ERC2: variants seen among roughly 807,000 people sequenced by gnomAD.
ERC2 encodes the protein ERC protein 2.
A neutral mutation model predicts 114.8 loss-of-function variants in ERC2; 42 were observed. The observed-to-expected ratio is 0.37, with a 90% confidence interval of 0.29 to 0.47. The LOEUF is 0.47. Among genes scored for constraint, ERC2 ranks in the 20% least tolerant of loss-of-function variants. ERC2 has a pLI of 0.99. For synonymous variants in ERC2, 454 were observed against 425.5 expected (o/e 1.07, Z -0.82); for missense variants, 939 against 1,150.7 (o/e 0.82, Z 2.66).
chr3:56,094,004 T>C (rs895154301), intron 6 of ERC2, among the ~76,000 whole-genome samples: 2 of 152,224 alleles, frequency 1.3e-5, no homozygotes, highest in Non-Finnish European at 2.9e-5. Context: ...AGTAGCATAC[T>C]AAAGGTTCTG....
At chr3:55,563,640 G>A (rs1242100431) in intron 17 of ERC2, among the ~76,000 whole-genome samples, 3 of 152,242 alleles carry the variant, frequency 2.0e-5, no homozygotes, top group Non-Finnish European at 4.4e-5. Context: ...AAGGGCCACG[G>A]AACGTGGAGA....
intron 17 of ERC2, among the ~76,000 whole-genome samples, chr3:55,563,701 AT>A: frequency 6.6e-6 from 1 of 152,364 alleles, no homozygotes; most frequent in Non-Finnish European, 1.5e-5. Flanking sequence ...GTAGAAGGGA[AT>A]GAGTCCAACA....
chr3:56,402,734 TC>T (rs778321839), intron 2 of ERC2, among the ~76,000 whole-genome samples: 5 of 152,248 alleles, frequency 3.3e-5, no homozygotes, highest in African/African-American at 4.8e-5. Flanking sequence ...TGAGCATCAT[TC>T]CCTAAATTTT....
intron 4 of ERC2, among the ~76,000 whole-genome samples, chr3:56,171,487 T>C (rs2082662738): frequency 6.6e-6 from 1 of 152,200 alleles, no homozygotes; most frequent in Non-Finnish European, 1.5e-5. Flanking sequence ...TATATTGCTC[T>C]TCATTTGTCC....
chr3:56,003,441 GT>G (rs1007113790), intron 10 of ERC2, among the ~76,000 whole-genome samples: 30 of 152,132 alleles, frequency 2.0e-4, no homozygotes, highest in African/African-American at 4.3e-4. Context: ...GATACATGAA[GT>G]GCTGGCCTCC....
intron 3 of ERC2, among the ~76,000 whole-genome samples, chr3:56,282,318 G>A (rs1435161390): frequency 6.6e-6 from 1 of 152,156 alleles, no homozygotes; most frequent in Non-Finnish European, 1.5e-5. Flanking sequence ...TAAAATAAGA[G>A]AGGGAAACCA....
chr3:56,344,949 T>C (rs528598023), intron 2 of ERC2, among the ~76,000 whole-genome samples: 17 of 152,206 alleles, frequency 1.1e-4, no homozygotes, highest in Non-Finnish European at 2.2e-4. Context: ...CTAATCTACA[T>C]GTTCTTCCTC....
At chr3:56,216,169 T>C (rs577318174) in intron 3 of ERC2, among the ~76,000 whole-genome samples, 238 of 152,066 alleles carry the variant, frequency 1.6e-3, no homozygotes, top group South Asian at 3.1e-3. Context: ...GTGATAGAGA[T>C]ACAAAAAACC....
chr3:56,113,930 A>T (rs1458038890), intron 6 of ERC2, among the ~76,000 whole-genome samples: 1 of 152,136 alleles, frequency 6.6e-6, no homozygotes, highest in Non-Finnish European at 1.5e-5. Flanking sequence ...GAAGAATCAT[A>T]AGGTTCATAT....
intron 4 of ERC2, among the ~76,000 whole-genome samples, chr3:56,154,178 G>A (rs370606364): frequency 4.1e-4 from 63 of 152,210 alleles, no homozygotes; most frequent in African/African-American, 1.2e-3. Context: ...TGGGATGACC[G>A]TGGTTATATG....
chr3:56,051,826 AACACACACACACACACACACAC>A (rs370057271), intron 7 of ERC2, among the ~76,000 whole-genome samples: 30 of 130,118 alleles, frequency 2.3e-4, no homozygotes, highest in East Asian at 7.0e-4. Context: ...CTCCATCTCA[AACACACACACACACACACACAC>A]ACACACACAC....
intron 17 of ERC2, among the ~76,000 whole-genome samples, chr3:55,608,380 C>G (rs554333222): frequency 6.6e-6 from 1 of 152,166 alleles, no homozygotes; most frequent in Non-Finnish European, 1.5e-5. Flanking sequence ...AAAATATCCC[C>G]GTGCATGTGC....
At chr3:56,088,710 A>G (rs1341955036) in intron 6 of ERC2, among the ~76,000 whole-genome samples, 1 of 152,168 alleles carries the variant, frequency 6.6e-6, no homozygotes, top group Non-Finnish European at 1.5e-5. Context: ...AACTCATAAC[A>G]ATGGCCTTTC....
Position 55,602,716 on chromosome 3 carries a change from C to T in ERC2, c.*39+81078G>A, listed in dbSNP as rs1038137870. The stretch of plus-strand genomic sequence containing the variant: ...CCCTTCCCATGCTACCACAACCTAA[C>T]ACAACCTAACACCTAAGCCATCAGA... On this transcript the variant is annotated intron_variant, in intron 17 of 17. Transcript: ENST00000288221. Among the ~76,000 whole-genome samples the T allele has an allele frequency of 7.2e-5, 11 of 152,090 alleles. No homozygotes were observed. The South Asian group carries it at 1.0e-3, about 14-fold the overall frequency.
At chr3:55,636,583 T>C (rs764512322) in intron 17 of ERC2, among the ~76,000 whole-genome samples, 1 of 152,188 alleles carries the variant, frequency 6.6e-6, no homozygotes, top group African/African-American at 2.4e-5. Context: ...CTACCCAAAC[T>C]ATAATACACT....
chr3:55,531,366 G>A (rs903144447), intron 17 of ERC2, among the ~76,000 whole-genome samples: 6 of 152,154 alleles, frequency 3.9e-5, no homozygotes, highest in Admixed American at 3.3e-4. Context: ...TTGTAAAGCA[G>A]TAATTGGGAG....
At chr3:55,559,364 T>G (rs1486783058) in intron 17 of ERC2, among the ~76,000 whole-genome samples, 1 of 152,258 alleles carries the variant, frequency 6.6e-6, no homozygotes, top group East Asian at 1.9e-4. Flanking sequence ...TTAAGGCCCA[T>G]GCCCTCCTAG....
chr3:55,774,649 G>A (rs1470001927), intron 14 of ERC2, among the ~76,000 whole-genome samples: 1 of 152,208 alleles, frequency 6.6e-6, no homozygotes, highest in Non-Finnish European at 1.5e-5. Context: ...CTGTCAGCCT[G>A]GGAGAACCCA....
At chr3:55,583,383 T>TCC (rs2057365129) in intron 17 of ERC2, among the ~76,000 whole-genome samples, 1 of 126,416 alleles carries the variant, frequency 7.9e-6, no homozygotes, top group Non-Finnish European at 1.7e-5. Context: ...TCTTTCCTTC[T>TCC]TTCTTTCCTT....
Sources: allele counts gnomAD v4.1 joint callset (sites outside exome capture counted in the v4.1 genomes callset), GRCh38; gene constraint gnomAD v4.1.1; transcripts MANE v1.5; gene names NCBI Gene and HGNC (gene_info 2026-07-23, HGNC 2026-07-21).